Variants in NRXN1 observed in about 807,000 individuals in gnomAD.
NRXN1 encodes neurexin-1.
A neutral mutation model predicts 150.9 loss-of-function variants in NRXN1; 39 were observed. The observed-to-expected ratio is 0.26, with a 90% CI of 0.20 to 0.34. NRXN1 has a LOEUF of 0.34. Ranked by LOEUF, NRXN1 falls within the 10% of genes least tolerant of loss-of-function variation. NRXN1 has a pLI of 1.00. For synonymous variants in NRXN1, 924 were observed against 757.0 expected (o/e 1.22, Z -3.62); for missense variants, 1,815 against 1,949.9 (o/e 0.93, Z 1.30).
intron 5 of NRXN1, among the ~76,000 whole-genome samples, chr2:50,668,820 G>T (rs1332156549): frequency 6.6e-6 from 1 of 151,910 alleles, no homozygotes; most frequent in Non-Finnish European, 1.5e-5. Context: ...AATTTCAGGT[G>T]GGAATTTCAT....
rs1351919930 is a variant in NRXN1, at chr2:50,922,554, A to C, written c.820+104T>G. 3.0e-6 allele frequency: 3 copies of C among 998,402 alleles called. No individual in the cohort carries two copies. The African/African-American group carries it at 4.8e-5, about 16-fold the overall frequency. The allele number at this position is 998,402 out of a possible 1,614,324, so 61.8% of individuals were successfully genotyped here. A position where few individuals can be genotyped will look rare whatever the true frequency, so the allele number is the denominator to read the frequency against. ...AAAGATATGTATTTAATTTGCAGCC[A>C]TATAATTTGCAAGCATTTGCCCATC... On this transcript the variant is annotated intron_variant, in intron 4 of 22. Coordinates refer to ENST00000401669, the MANE Select transcript of NRXN1 (RefSeq NM_001330078.2).
chr2:50,462,880 C>A lies in NRXN1; in HGVS notation c.3364+2562G>T, dbSNP rs575877536. On this transcript the variant is annotated intron_variant, in intron 17 of 22. Coordinates refer to ENST00000401669, the MANE Select transcript of NRXN1 (RefSeq NM_001330078.2). ...AGTTACCCTAACCCACTCTATAAAC[C>A]TTATCAGCGAGATGACATTTAGAAA... Among the ~76,000 whole-genome samples the A allele has an allele frequency of 2.0e-4, 30 of 151,856 alleles. No individual in the cohort carries two copies. In the South Asian group the frequency reaches 6.0e-3, roughly 30 times the overall value.
chr2:50,855,665 C>A (rs1675167974), intron 5 of NRXN1, among the ~76,000 whole-genome samples: 1 of 151,974 alleles, frequency 6.6e-6, no homozygotes, highest in Non-Finnish European at 1.5e-5. Flanking sequence ...AAAAGAACTT[C>A]TTGGAAATTT....
At chr2:50,362,220 A>G (rs1181645561) in intron 17 of NRXN1, among the ~76,000 whole-genome samples, 1 of 152,162 alleles carries the variant, frequency 6.6e-6, no homozygotes, top group Non-Finnish European at 1.5e-5. Context: ...CACCACTCCT[A>G]TTCAACATAT....
At chr2:50,238,281 G>T (rs2065663111) in intron 17 of NRXN1, among the ~76,000 whole-genome samples, 1 of 151,982 alleles carries the variant, frequency 6.6e-6, no homozygotes, top group Non-Finnish European at 1.5e-5. Flanking sequence ...TCTTCTGACT[G>T]CTTAAAATGG....
chr2:50,436,880 T>C (rs941503964), intron 17 of NRXN1, among the ~76,000 whole-genome samples: 2 of 152,178 alleles, frequency 1.3e-5, no homozygotes, highest in African/African-American at 4.8e-5. Context: ...AAAACTAGGA[T>C]AAAGAATGCT....
chr2:50,577,796 A>T (rs191028419), intron 8 of NRXN1, among the ~76,000 whole-genome samples: 1 of 152,158 alleles, frequency 6.6e-6, no homozygotes, highest in East Asian at 1.9e-4. Flanking sequence ...AGCAATCCAG[A>T]ATAGTGATAT....
At chr2:50,955,600 CCATT>C in intron 2 of NRXN1, among the ~76,000 whole-genome samples, 1 of 152,112 alleles carries the variant, frequency 6.6e-6, no homozygotes, top group African/African-American at 2.4e-5. Flanking sequence ...CAGAACAGTG[CCATT>C]TTTATATATG....
chr2:50,763,608 C>T (rs1702064257), intron 5 of NRXN1, among the ~76,000 whole-genome samples: 1 of 151,866 alleles, frequency 6.6e-6, no homozygotes, highest in African/African-American at 2.4e-5. Context: ...ATTTCCACTT[C>T]TGCTCTCCAG....
chr2:50,442,391 G>A (rs1326256704), intron 17 of NRXN1, among the ~76,000 whole-genome samples: 1 of 152,096 alleles, frequency 6.6e-6, no homozygotes, highest in African/African-American at 2.4e-5. Flanking sequence ...AATTTCCTTT[G>A]TTGTAACTTT....
chr2:50,434,025 G>A (rs894151678), intron 17 of NRXN1, among the ~76,000 whole-genome samples: 3 of 136,734 alleles, frequency 2.2e-5, no homozygotes, highest in African/African-American at 8.3e-5. Context: ...CTTACTCCTT[G>A]CTTCCGGTAT....
chr2:51,026,178 G>T (rs1024530321), intron 2 of NRXN1, among the ~76,000 whole-genome samples: 9 of 152,096 alleles, frequency 5.9e-5, no homozygotes, highest in Admixed American at 1.3e-4. Flanking sequence ...ACAATAAAAC[G>T]CAGCCACACA....
intron 5 of NRXN1, among the ~76,000 whole-genome samples, chr2:50,671,103 T>C (rs1161291526): frequency 6.6e-6 from 1 of 151,876 alleles, no homozygotes; most frequent in Non-Finnish European, 1.5e-5. Context: ...ATTCAAAATG[T>C]GTAACTTACA....
At chr2:50,514,053 T>C (rs1238268193) in intron 12 of NRXN1, among the ~76,000 whole-genome samples, 3 of 152,158 alleles carry the variant, frequency 2.0e-5, no homozygotes, top group Non-Finnish European at 2.9e-5. Flanking sequence ...TTCACTTTAT[T>C]TGTCTAACAT....
At chr2:50,643,490 A>G (rs926238152) in intron 5 of NRXN1, among the ~76,000 whole-genome samples, 1 of 151,930 alleles carries the variant, frequency 6.6e-6, no homozygotes, top group African/African-American at 2.4e-5. Context: ...TAATTAAGAA[A>G]ACATTCCTGA....
intron 17 of NRXN1, among the ~76,000 whole-genome samples, chr2:50,306,745 T>C (rs1326665188): frequency 6.6e-6 from 1 of 152,232 alleles, no homozygotes; most frequent in Non-Finnish European, 1.5e-5. Context: ...TTCTAACTTT[T>C]AATACTGACA....
intron 5 of NRXN1, among the ~76,000 whole-genome samples, chr2:50,844,534 T>C (rs1471735517): frequency 3.3e-5 from 5 of 152,222 alleles, no homozygotes; most frequent in African/African-American, 1.2e-4. Flanking sequence ...ATATTTCGTA[T>C]AGGTGGTATT....
chr2:50,493,800 G>A (rs1434301458), intron 15 of NRXN1, among the ~76,000 whole-genome samples: 1 of 152,132 alleles, frequency 6.6e-6, no homozygotes, highest in Non-Finnish European at 1.5e-5. Flanking sequence ...CTAATGATTA[G>A]CCCCTTCACA....
intron 21 of NRXN1, among the ~76,000 whole-genome samples, chr2:50,027,465 C>G (rs1688533091): frequency 6.9e-6 from 1 of 145,606 alleles, no homozygotes; most frequent in Admixed American, 6.8e-5. Flanking sequence ...TTTTTTGAGA[C>G]AGTGTCTCAC....
Sources: gnomAD v4.1 joint callset for allele counts (sites outside exome capture counted in the v4.1 genomes callset) on GRCh38, gnomAD v4.1.1 for gene constraint, MANE v1.5 for transcripts, NCBI Gene and HGNC (gene_info 2026-07-23, HGNC 2026-07-21) for gene names.